Variants in ZNF268 observed in about 807,000 individuals in gnomAD.
ZNF268 encodes zinc finger protein 3.
Under a neutral mutation model 29.3 loss-of-function variants are expected in ZNF268, and 20 were observed. That is an observed-to-expected ratio of 0.68 (90% CI 0.48 to 0.99). ZNF268 has a LOEUF of 0.99. Among genes scored for constraint, ZNF268 ranks in the 50% least tolerant of loss-of-function variants. The pLI, the probability that ZNF268 is intolerant of heterozygous loss-of-function variation, is 0.00. For missense variants in ZNF268, 1,240 were observed against 1,121.6 expected, an observed-to-expected ratio of 1.11 and a Z score of -1.51; for synonymous variants, 429 against 376.9, an observed-to-expected ratio of 1.14 and a Z score of -1.60.
At chr12:133,200,681 T>G (rs1358106088) in intron 5 of ZNF268, among the ~76,000 whole-genome samples, 1 of 152,160 alleles carries the variant, frequency 6.6e-6, no homozygotes, top group East Asian at 1.9e-4. Context: ...TTCCTATCTA[T>G]TTTCTATCTT....
chr12:133,203,976 A>C lies in ZNF268; in HGVS notation c.2290A>C (p.Lys764Gln), dbSNP rs780198289. The change falls in exon 6 of 6, where the codon AAA (lysine) becomes CAA (glutamine). Residue 764 changes from lysine (K) to glutamine (Q), a missense_variant. Physicochemically the swap from Lys to Gln is moderately conservative, Grantham distance 53. Around this residue, in one of 3 missense-constraint regions of ZNF268, gnomAD observed 1,177 missense variants for 1,039.6 expected, o/e 1.13. Transcript: ENST00000536435. ...TGAATGTGGGAAAGCCTTTAATAGG[A>C]AAGACCAGCTCATTTCACATCAGCG... ...CSECGKAFNRKDQLISHQRTH... is the reference protein window; with the variant it reads ...CSECGKAFNRQDQLISHQRTH... 1.9e-6 allele frequency: 3 copies of C among 1,590,834 alleles called. No homozygotes were observed. The highest frequency in any genetic ancestry group is 2.6e-6 in the Non-Finnish European group (3 of 1,170,656).
rs755583400 is a variant in ZNF268 at position 133,193,400 on chromosome 12, A to G, written c.457+1397A>G. ...AAAATACTATAGACTAGGTAATTTT[A>G]TAAAGCACAGAAATTTATTTCTCAC... On this transcript the variant is annotated intron_variant, in intron 5 of 5. Transcript: ENST00000536435. 31 of 631,814 alleles carry G rather than the reference A, an allele frequency of 4.9e-5. No individual in the cohort carries two copies. In the African/African-American group the frequency reaches 4.9e-4, roughly 10 times the overall value. The allele number at this position is 631,814 out of a possible 1,614,324, so 39.1% of individuals were successfully genotyped here. A position where few individuals can be genotyped will look rare whatever the true frequency, so the allele number is the denominator to read the frequency against.
At chr12:133,187,739 C>G (rs1593879381) in intron 2 of ZNF268, 133 bp from the exon 3 acceptor site, 4 of 845,944 alleles carry the variant, frequency 4.7e-6, no homozygotes, top group Non-Finnish European at 7.3e-6. Context: ...CTGCCTCTAA[C>G]CCTGCATTTC....
chr12:133,199,032 TCTC>T (rs1472647178), intron 5 of ZNF268, among the ~76,000 whole-genome samples: 1 of 151,756 alleles, frequency 6.6e-6, no homozygotes, highest in Non-Finnish European at 1.5e-5. Flanking sequence ...TTTATTTCCT[TCTC>T]CTGCCTAATT....
chr12:133,203,538 CAGAA>C lies in ZNF268; in HGVS notation c.1855_1858del (p.Lys619ProfsTer8), dbSNP rs751048755. 30 of 1,550,808 alleles carry C rather than the reference CAGAA, an allele frequency of 1.9e-5. No homozygotes were observed. The highest frequency in any genetic ancestry group is 1.5e-4 in the South Asian group (13 of 84,788). Reference sequence around the variant, plus strand: ...GAAACCATTTGAATGTAGTGAGTGTCAGAAAGCCTTTAATACAAAGTCAAACCTG... The same window carrying C: ...GAAACCATTTGAATGTAGTGAGTGTCAGCCTTTAATACAAAGTCAAACCTG... On this transcript the variant is annotated frameshift_variant, in exon 6 of 6. Transcript: ENST00000536435. LOFTEE classifies it low-confidence loss of function (END_TRUNC).
rs1956817978 is a variant in ZNF268 at position 133,203,713 on chromosome 12, C to T, written c.2027C>T (p.Thr676Ile). 1.9e-6 allele frequency: 3 copies of T among 1,547,302 alleles called. No homozygotes were observed. The highest frequency in any genetic ancestry group is 2.6e-6 in the Non-Finnish European group (3 of 1,152,344). ...KPYGCSQCAK[T>I]FSLKSQLIVH... ...TATGGATGCAGTCAATGTGCAAAAACCTTTAGTTTGAAGTCCCAGCTCATT... is the reference window on the plus strand; with the variant it reads ...TATGGATGCAGTCAATGTGCAAAAATCTTTAGTTTGAAGTCCCAGCTCATT... Residue 676 changes from threonine to isoleucine, a missense_variant, in exon 6 of 6, where the codon ACC (threonine) becomes ATC (isoleucine). By Grantham distance (89) the Thr-to-Ile change is moderately conservative (BLOSUM62 -1). Around this residue, in one of 3 missense-constraint regions of ZNF268, gnomAD observed 1,177 missense variants for 1,039.6 expected, o/e 1.13. Coordinates refer to ENST00000536435, the MANE Select transcript of ZNF268 (RefSeq NM_003415.3).
chr12:133,211,930 T>A lies in ZNF268; in HGVS notation c.*7400T>A, dbSNP rs1390279472. 1 of 152,254 alleles carries A rather than the reference T, an allele frequency of 6.6e-6. No homozygotes were observed. Among genetic ancestry groups the A allele is most frequent in the Non-Finnish European group, 1.5e-5 (1 of 68,046 alleles). The allele number at this position is 152,254 out of a possible 1,614,324, so 9.4% of individuals were successfully genotyped here. ...AAACAAAACCCAGCATGTACTCACG[T>A]ACAGCAGCTCTTTTCATAACAGACA... On this transcript the variant is annotated 3_prime_UTR_variant, in exon 6 of 6. Coordinates refer to ENST00000536435, the MANE Select transcript of ZNF268 (RefSeq NM_003415.3).
Position 133,203,571 on chromosome 12 carries a change from G to C in ZNF268, c.1885G>C (p.Val629Leu). The C allele has an allele frequency of 6.4e-7, 1 of 1,564,678 alleles. No individual in the cohort carries two copies. ...CTTTAATACAAAGTCAAACCTGATT[G>C]TACATCAGAGAACTCATACAGGAGA... ...KAFNTKSNLI[V>L]HQRTHTGEKP... The change falls in exon 6 of 6, where the codon GTA (valine) becomes CTA (leucine). Residue 629 changes from valine (V) to leucine (L), a missense_variant. Around this residue, in one of 3 missense-constraint regions of ZNF268, gnomAD observed 1,177 missense variants for 1,039.6 expected, o/e 1.13. Coordinates refer to ENST00000536435, the MANE Select transcript of ZNF268 (RefSeq NM_003415.3).
intron 3 of ZNF268, among the ~76,000 whole-genome samples, chr12:133,189,497 GAGCCACGGCATCC>G (rs1956409829): frequency 1.3e-5 from 2 of 152,168 alleles, no homozygotes; most frequent in South Asian, 4.1e-4. Flanking sequence ...ATACAGGTGT[GAGCCACGGCATCC>G]AGCTAGTTTC....
At chr12:133,181,912 G>A (rs1956186216) in intron 1 of ZNF268, 34 bp from the exon 2 acceptor site, 1 of 1,461,930 alleles carries the variant, frequency 6.8e-7, no homozygotes, top group African/African-American at 1.4e-5. Context: ...GGACTGCTGG[G>A]TGACCTCTTT....
Position 133,204,232 on chromosome 12 carries a change from T to G in ZNF268, c.2546T>G (p.Leu849Ter). ...SQCEKSFSGK[L>*]RLLVHQRMHT... ...TGTGAGAAATCCTTCAGTGGGAAATTACGCCTTCTTGTACACCAGAGAATG... is the reference window on the plus strand; with the variant it reads ...TGTGAGAAATCCTTCAGTGGGAAATGACGCCTTCTTGTACACCAGAGAATG... The change falls in exon 6 of 6, where the codon TTA (leucine) becomes TGA (stop). Residue 849 changes from leucine to a stop codon, truncating the protein, a stop_gained. Transcript: ENST00000536435. LOFTEE classifies it high-confidence loss of function. 6.5e-7 allele frequency: 1 copy of G among 1,542,118 alleles called. No individual in the cohort carries two copies. Among genetic ancestry groups the G allele is most frequent in the Non-Finnish European group, 8.7e-7 (1 of 1,148,102 alleles).
chr12:133,204,306 A>G lies in ZNF268; in HGVS notation c.2620A>G (p.Ile874Val). 6.4e-7 allele frequency: 1 copy of G among 1,559,056 alleles called. No individual in the cohort carries two copies. Among genetic ancestry groups the G allele is most frequent in the Non-Finnish European group, 8.7e-7 (1 of 1,155,498 alleles). Residue 874 changes from isoleucine (I) to valine (V), a missense_variant, in exon 6 of 6, where the codon ATT (isoleucine) becomes GTT (valine). This residue lies in a region of ZNF268 where 1,177 missense variants were observed against 1,039.6 expected (regional missense o/e 1.13). Transcript: ENST00000536435. ...ATGCAGTGAGTGTGGAAAAGCCTTC[A>G]TTAGGAATTCTCAACTCATTGTACA... ...YECSECGKAF[I>V]RNSQLIVHQR...
intron 5 of ZNF268, among the ~76,000 whole-genome samples, chr12:133,201,073 A>G (rs918316959): frequency 6.6e-6 from 1 of 152,080 alleles, no homozygotes; most frequent in Non-Finnish European, 1.5e-5. Context: ...TCATGCAAGT[A>G]TACAGTGATT....
rs1251291103 is a variant in ZNF268 at position 133,204,795 on chromosome 12, C to A, written c.*265C>A. On this transcript the variant is annotated 3_prime_UTR_variant, in exon 6 of 6. Transcript: ENST00000536435. ...AAGTCATACCTTTTTTTAAAAAGTT[C>A]ATACAGGTGAGGAACCATGTTAAAC... 1 of 362,930 alleles carries A rather than the reference C, an allele frequency of 2.8e-6. No individual in the cohort carries two copies. Among genetic ancestry groups the A allele is most frequent in the African/African-American group, 2.1e-5 (1 of 47,432 alleles). 22.5% of individuals were successfully genotyped at this position (362,930 alleles called of 1,614,324 possible). A position where few individuals can be genotyped will look rare whatever the true frequency, so the allele number is the denominator to read the frequency against.
intron 1 of ZNF268, 68 bp from the exon 2 acceptor site, chr12:133,181,878 C>T: frequency 9.0e-7 from 1 of 1,107,758 alleles, no homozygotes; most frequent in African/African-American, 1.6e-5. Context: ...CCTGGTGCCT[C>T]GGACCCTCCC....
Position 133,207,652 on chromosome 12 carries a change from C to T in ZNF268, c.*3122C>T, listed in dbSNP as rs1956923426. 1 of 151,838 alleles carries T rather than the reference C, an allele frequency of 6.6e-6. No individual in the cohort carries two copies. The highest frequency in any genetic ancestry group is 2.4e-5 in the African/African-American group (1 of 41,326). 9.4% of individuals were successfully genotyped at this position (151,838 alleles called of 1,614,324 possible). On this transcript the variant is annotated 3_prime_UTR_variant, in exon 6 of 6. Transcript: ENST00000536435. Reference sequence around the variant, plus strand: ...GTGAAACCCCTCTCTACTAAAAATACAAAAAAATAGCAGGGCATGGTAACT... The same window carrying T: ...GTGAAACCCCTCTCTACTAAAAATATAAAAAAATAGCAGGGCATGGTAACT...
rs1021243416 is a variant in ZNF268, at chr12:133,214,791, T to C, written c.*10261T>C. ...TACATTTTTAAAAGTTAATTTTATA[T>C]TGTGTAAATTTTACCTCAATAAAAA... On this transcript the variant is annotated 3_prime_UTR_variant, in exon 6 of 6. Transcript: ENST00000536435. 1 of 152,204 alleles carries C rather than the reference T, an allele frequency of 6.6e-6. No individual in the cohort carries two copies. Among genetic ancestry groups the C allele is most frequent in the Admixed American group, 6.5e-5 (1 of 15,278 alleles). 9.4% of individuals were successfully genotyped at this position (152,204 alleles called of 1,614,324 possible). A position where few individuals can be genotyped will look rare whatever the true frequency, so the allele number is the denominator to read the frequency against.
Position 133,204,027 on chromosome 12 carries a change from G to T in ZNF268, c.2341G>T (p.Gly781Trp). The T allele has an allele frequency of 6.4e-7, 1 of 1,573,448 alleles. No homozygotes were observed. Among genetic ancestry groups the T allele is most frequent in the Non-Finnish European group, 8.6e-7 (1 of 1,162,590 alleles). Residue 781 changes from glycine (G) to tryptophan (W), a missense_variant, in exon 6 of 6, where the codon GGG becomes TGG. This residue lies in a region of ZNF268 where 1,177 missense variants were observed against 1,039.6 expected (regional missense o/e 1.13). Coordinates refer to ENST00000536435, the MANE Select transcript of ZNF268 (RefSeq NM_003415.3). ...QRTHAGEKPY[G>W]CSECGKAFSS... Reference sequence around the variant, plus strand: ...AACTCATGCAGGGGAAAAGCCTTATGGGTGCAGTGAATGTGGGAAAGCTTT... The same window carrying T: ...AACTCATGCAGGGGAAAAGCCTTATTGGTGCAGTGAATGTGGGAAAGCTTT...
Position 133,202,946 on chromosome 12 carries a change from A to G in ZNF268, c.1260A>G (p.Glu420=), listed in dbSNP as rs759917588. ...HTGEKPYECN[E]CQKAFNTKSN... ...GAGAGAAACCATATGAATGCAATGA[A>G]TGTCAGAAAGCCTTTAATACAAAGT... Residue 420 remains glutamate, a synonymous_variant, in exon 6 of 6, where the codon GAA becomes GAG. Coordinates refer to ENST00000536435, the MANE Select transcript of ZNF268 (RefSeq NM_003415.3). 24 of 1,545,342 alleles carry G rather than the reference A, an allele frequency of 1.6e-5. No individual in the cohort carries two copies. In the African/African-American group the frequency reaches 3.1e-4, roughly 20 times the overall value.
Sources: allele counts gnomAD v4.1 joint callset (sites outside exome capture counted in the v4.1 genomes callset), GRCh38; gene constraint gnomAD v4.1.1; regional missense constraint gnomAD v4.1.1; transcripts MANE v1.5; gene names NCBI Gene and HGNC (gene_info 2026-07-23, HGNC 2026-07-21).